The following ALK variants were observed in gnomAD, a reference collection of about 807,000 sequenced individuals.
ALK encodes ALK receptor tyrosine kinase.
A neutral mutation model predicts 163.1 loss-of-function variants in ALK; 74 were observed. The observed-to-expected ratio is 0.45, with a 90% CI of 0.38 to 0.55. ALK has a LOEUF of 0.55. ALK is among the 20% of genes least tolerant of loss of function. The pLI is 0.00. For missense variants in ALK, 2,063 were observed against 2,105.3 expected (o/e 0.98, Z 0.39); for synonymous variants, 960 against 843.2 (o/e 1.14, Z -2.40).
chr2:29,741,415 G>A (rs1395934390), intron 1 of ALK, among the ~76,000 whole-genome samples: 1 of 152,224 alleles, frequency 6.6e-6, no homozygotes, highest in Non-Finnish European at 1.5e-5. Flanking sequence ...CATTGTGGGA[G>A]CAGGGAATAT....
chr2:29,260,582 A>G (rs1665061349), intron 11 of ALK, among the ~76,000 whole-genome samples: 1 of 152,174 alleles, frequency 6.6e-6, no homozygotes, highest in Non-Finnish European at 1.5e-5. Context: ...CATGCCTGTA[A>G]TCCCAGCACT....
chr2:29,197,008 TG>T (rs1184195920), intron 27 of ALK, 148 bp from the exon 28 acceptor site: 2 of 684,082 alleles, frequency 2.9e-6, no homozygotes, highest in Non-Finnish European at 5.2e-6. Flanking sequence ...CCCTGCTGAT[TG>T]GTCAAGGAAG....
intron 13 of ALK, 148 bp from the exon 14 acceptor site, chr2:29,233,844 A>G (rs1203984720): frequency 4.1e-6 from 4 of 969,046 alleles, no homozygotes; most frequent in Non-Finnish European, 6.3e-6. Context: ...TATACCAATA[A>G]CTGTCACTCT....
At chr2:29,865,716 A>G (rs769349551) in intron 1 of ALK, among the ~76,000 whole-genome samples, 1 of 152,226 alleles carries the variant, frequency 6.6e-6, no homozygotes, top group Non-Finnish European at 1.5e-5. Flanking sequence ...TGTTTAGTAC[A>G]AGGAAACTGA....
At chr2:29,750,559 A>T (rs1363102597) in intron 1 of ALK, among the ~76,000 whole-genome samples, 2 of 148,430 alleles carry the variant, frequency 1.3e-5, no homozygotes, top group Admixed American at 1.4e-4. Context: ...GCTACTTGGG[A>T]GGCTGAAGTG....
intron 4 of ALK, among the ~76,000 whole-genome samples, chr2:29,446,664 GTTTTA>G (rs1475572392): frequency 2.0e-5 from 3 of 152,098 alleles, no homozygotes; most frequent in Non-Finnish European, 4.4e-5. Flanking sequence ...ACACTAATTT[GTTTTA>G]TTTTATTTGA....
chr2:29,598,939 T>C (rs573659784), intron 3 of ALK, among the ~76,000 whole-genome samples: 2 of 152,070 alleles, frequency 1.3e-5, no homozygotes, highest in Non-Finnish European at 2.9e-5. Flanking sequence ...ACAAAATATA[T>C]GGACACTTAA....
At chr2:29,873,219 A>G (rs1309297148) in intron 1 of ALK, among the ~76,000 whole-genome samples, 10 of 152,224 alleles carry the variant, frequency 6.6e-5, no homozygotes, top group African/African-American at 2.2e-4. Context: ...GTCATTTCTC[A>G]TGATTAATGA....
At chr2:29,365,529 G>T (rs1266527561) in intron 5 of ALK, among the ~76,000 whole-genome samples, 1 of 152,172 alleles carries the variant, frequency 6.6e-6, no homozygotes, top group South Asian at 2.1e-4. Flanking sequence ...GGGACCTTGT[G>T]CAGGAAAAAG....
chr2:29,543,198 G>C (rs1441889046), intron 3 of ALK, among the ~76,000 whole-genome samples: 1 of 152,130 alleles, frequency 6.6e-6, no homozygotes, highest in Non-Finnish European at 1.5e-5. Context: ...GGTGGCAGCA[G>C]ATTATGGAAG....
intron 4 of ALK, among the ~76,000 whole-genome samples, chr2:29,412,845 C>G (rs1419808333): frequency 6.6e-6 from 1 of 152,260 alleles, no homozygotes; most frequent in East Asian, 1.9e-4. Flanking sequence ...GAGGGATACA[C>G]TTCTGTATCT....
At chr2:29,734,498 A>C (rs963770547) in intron 1 of ALK, among the ~76,000 whole-genome samples, 23 of 152,238 alleles carry the variant, frequency 1.5e-4, no homozygotes, top group African/African-American at 4.1e-4. Context: ...AAACTAGTTC[A>C]GTAGGAATAA....
intron 2 of ALK, among the ~76,000 whole-genome samples, chr2:29,714,534 C>A (rs1679193676): frequency 6.6e-6 from 1 of 152,130 alleles, no homozygotes; most frequent in South Asian, 2.1e-4. Context: ...CCAACAGAGG[C>A]CTAGCCTAGT....
intron 4 of ALK, among the ~76,000 whole-genome samples, chr2:29,497,221 G>A (rs1332104775): frequency 2.0e-5 from 3 of 151,612 alleles, no homozygotes; most frequent in Non-Finnish European, 2.9e-5. Context: ...GCAGTGAGCC[G>A]AAATAGTGCC....
At chr2:29,205,433 C>T (rs1338355981) in intron 26 of ALK, among the ~76,000 whole-genome samples, 1 of 151,358 alleles carries the variant, frequency 6.6e-6, no homozygotes, top group Non-Finnish European at 1.5e-5. Context: ...ACCAACCAAC[C>T]AAACAACCAC....
chr2:29,756,140 T>C (rs1240490795), intron 1 of ALK, among the ~76,000 whole-genome samples: 1 of 152,200 alleles, frequency 6.6e-6, no homozygotes, highest in Non-Finnish European at 1.5e-5. Flanking sequence ...CTACCCCGCC[T>C]CCAGGCCTTT....
intron 6 of ALK, among the ~76,000 whole-genome samples, chr2:29,327,769 A>G (rs1464866236): frequency 6.6e-6 from 1 of 152,218 alleles, no homozygotes; most frequent in Admixed American, 6.5e-5. Flanking sequence ...GGATGGATCC[A>G]CTGGATTGTG....
chr2:29,665,764 T>G (rs1253470505), intron 3 of ALK, among the ~76,000 whole-genome samples: 1 of 152,158 alleles, frequency 6.6e-6, no homozygotes, highest in Non-Finnish European at 1.5e-5. Context: ...GGGCTTCCCC[T>G]GGGACCCAGA....
chr2:29,472,748 A>G (rs1166437995), intron 4 of ALK, among the ~76,000 whole-genome samples: 2 of 152,248 alleles, frequency 1.3e-5, no homozygotes, highest in East Asian at 1.9e-4. Flanking sequence ...GAAAAAATGA[A>G]TCTTTAAAAA....
Sources: allele counts gnomAD v4.1 joint callset (sites outside exome capture counted in the v4.1 genomes callset), GRCh38; gene constraint gnomAD v4.1.1; transcripts MANE v1.5; gene names NCBI Gene and HGNC (gene_info 2026-07-23, HGNC 2026-07-21).